Variants in FER1L6 observed in about 807,000 individuals in gnomAD.
The protein encoded by FER1L6 is fer-1 like family member 6, also known as fer-1-like protein 6.
In FER1L6, 177 loss-of-function variants were observed where a neutral mutation model predicts 219.2. That is an observed-to-expected ratio of 0.81 (90% confidence interval 0.71 to 0.91). The LOEUF is 0.91. FER1L6 is among the 40% of genes least tolerant of loss of function. The pLI, the probability that FER1L6 is intolerant of heterozygous loss-of-function variation, is 0.00. For synonymous variants in FER1L6, 768 were observed against 824.3 expected, an observed-to-expected ratio of 0.93 and a Z score of 1.17; for missense variants, 2,153 against 2,259.9, an observed-to-expected ratio of 0.95 and a Z score of 0.96.
At chr8:123,874,283 T>G (rs980120581) in intron 1 of FER1L6, among the ~76,000 whole-genome samples, 1 of 152,212 alleles carries the variant, frequency 6.6e-6, no homozygotes, top group Non-Finnish European at 1.5e-5. Context: ...TCATAGAATA[T>G]AGGGTCAGAC....
rs1332927741 is a variant in FER1L6, at chr8:123,975,181, C to A, written c.558C>A (p.Leu186=). Residue 186 remains leucine, a synonymous_variant, in exon 8 of 41, where the codon CTC becomes CTA. Coordinates refer to ENST00000522917, the MANE Select transcript of FER1L6 (RefSeq NM_001039112.2). ...GHQFCNKWAL[L]TDPGDIRTGT... ...AGTTCTGCAACAAGTGGGCCCTGCT[C>A]ACAGACCCTGGTGACATCAGGACTG... 6.2e-7 allele frequency: 1 copy of A among 1,610,338 alleles called. No homozygotes were observed. Among genetic ancestry groups the A allele is most frequent in the African/African-American group, 1.3e-5 (1 of 74,862 alleles).
intron 1 of FER1L6, among the ~76,000 whole-genome samples, chr8:123,939,662 G>A (rs1460831543): frequency 6.6e-6 from 1 of 152,220 alleles, no homozygotes; most frequent in Non-Finnish European, 1.5e-5. Context: ...AGGGACTTGA[G>A]TTAGTTTGCT....
intron 5 of FER1L6, among the ~76,000 whole-genome samples, chr8:123,968,557 A>G (rs1312714605): frequency 6.6e-6 from 1 of 152,262 alleles, no homozygotes; most frequent in African/African-American, 2.4e-5. Context: ...ATCCAAAGGA[A>G]GCCACAGCAT....
chr8:123,977,573 C>T lies in FER1L6; in HGVS notation c.1027C>T (p.Leu343=). 3 of 1,614,018 alleles carry T rather than the reference C, an allele frequency of 1.9e-6. No homozygotes were observed. In the South Asian group the frequency reaches 3.3e-5, roughly 18 times the overall value. Residue 343 remains leucine, a synonymous_variant, in exon 10 of 41, where the codon CTG becomes TTG. Transcript: ENST00000522917. The part of the protein sequence containing the change: ...DVALATHFID[L]KKISNEQDGD... ...AGCCCTGGCAACCCATTTCATTGACCTGAAGAAAATCTCCAACGAACAGGA... is the reference window on the plus strand; with the variant it reads ...AGCCCTGGCAACCCATTTCATTGACTTGAAGAAAATCTCCAACGAACAGGA...
chr8:124,037,063 C>T (rs919993364), intron 19 of FER1L6, among the ~76,000 whole-genome samples: 1 of 152,122 alleles, frequency 6.6e-6, no homozygotes, highest in African/African-American at 2.4e-5. Flanking sequence ...AAGAGGTGTA[C>T]CAATAAAGTG....
At chr8:124,068,871 T>C (rs1237919711) in intron 28 of FER1L6, among the ~76,000 whole-genome samples, 1 of 152,016 alleles carries the variant, frequency 6.6e-6, no homozygotes, top group Non-Finnish European at 1.5e-5. Flanking sequence ...ACAGACTGTA[T>C]GTAACAATCC....
At chr8:123,929,180 G>A (rs982400455) in intron 1 of FER1L6, among the ~76,000 whole-genome samples, 1 of 152,216 alleles carries the variant, frequency 6.6e-6, no homozygotes, top group African/African-American at 2.4e-5. Flanking sequence ...GGCCTGTTAT[G>A]TGATTCTTTG....
At chr8:124,078,805 C>A (rs535170340) in intron 32 of FER1L6, among the ~76,000 whole-genome samples, 1 of 151,496 alleles carries the variant, frequency 6.6e-6, no homozygotes, top group Admixed American at 6.6e-5. Flanking sequence ...GGTATCAATC[C>A]GGGTTCCACC....
chr8:123,869,650 T>C (rs1179367610), intron 1 of FER1L6, among the ~76,000 whole-genome samples: 1 of 152,214 alleles, frequency 6.6e-6, no homozygotes, highest in Non-Finnish European at 1.5e-5. Context: ...AAAATCTCAG[T>C]TTAAATTTCA....
intron 1 of FER1L6, among the ~76,000 whole-genome samples, chr8:123,898,754 T>C (rs1014759482): frequency 1.4e-5 from 2 of 146,352 alleles, no homozygotes; most frequent in African/African-American, 5.0e-5. Flanking sequence ...ATATACTATA[T>C]ATACACATAT....
chr8:123,930,832 A>C (rs1343085266), intron 1 of FER1L6, among the ~76,000 whole-genome samples: 2 of 152,118 alleles, frequency 1.3e-5, no homozygotes, highest in Non-Finnish European at 2.9e-5. Context: ...TGGTCTTTGT[A>C]GTTTGAGGAG....
In FER1L6 at chr8:124,023,223, C is replaced by T. The variant is rs191758488; in HGVS notation, c.2134-221C>T. ...AGCCACTGCCGCCCAGCTGTATGCA[C>T]TTTTAACTCATGACCTAAGTAAGGC... On this transcript the variant is annotated intron_variant, in intron 17 of 40. Coordinates refer to ENST00000522917, the MANE Select transcript of FER1L6 (RefSeq NM_001039112.2). 2.6e-5 allele frequency among the ~76,000 whole-genome samples: 4 copies of T among 152,318 alleles called. No individual in the cohort carries two copies. The East Asian group carries it at 7.7e-4, about 29-fold the overall frequency.
At chr8:123,976,798 A>G (rs1816093757) in intron 9 of FER1L6, among the ~76,000 whole-genome samples, 1 of 152,172 alleles carries the variant, frequency 6.6e-6, no homozygotes, top group South Asian at 2.1e-4. Context: ...CTCCTCAGTT[A>G]GTCCTTGTCT....
chr8:124,099,995 C>T (rs909497918), intron 37 of FER1L6, among the ~76,000 whole-genome samples: 1 of 152,154 alleles, frequency 6.6e-6, no homozygotes, highest in Non-Finnish European at 1.5e-5. Context: ...TGCTCCCTAA[C>T]ACTCCCCTGG....
chr8:123,952,482 G>A (rs1446289813), intron 1 of FER1L6, among the ~76,000 whole-genome samples: 2 of 152,180 alleles, frequency 1.3e-5, no homozygotes, highest in Non-Finnish European at 2.9e-5. Flanking sequence ...TGGTATGAGG[G>A]TTCCTGTGTA....
chr8:123,899,221 C>T (rs11990217), intron 1 of FER1L6, among the ~76,000 whole-genome samples: 4,201 of 152,166 alleles, frequency 0.028, 197 homozygotes, highest in African/African-American at 0.096. Context: ...GGTGGTATCA[C>T]ATTGTAATTT....
At chr8:123,963,151 G>A in intron 2 of FER1L6, 127 bp from the exon 3 acceptor site, 2 of 1,216,736 alleles carry the variant, frequency 1.6e-6, no homozygotes. Context: ...TTTTATGCTG[G>A]CAGAGTCTGT....
rs758151324 is a variant in FER1L6 at position 124,076,178 on chromosome 8, A to T, written c.4093-20A>T. 57 of 1,613,288 alleles carry T rather than the reference A, an allele frequency of 3.5e-5. No individual in the cohort carries two copies. The highest frequency in any genetic ancestry group is 4.7e-5 in the Non-Finnish European group (56 of 1,179,632). ...TGTTGAGAGCTATTGAACCAAAGAC[A>T]TTTTCTTTTTCCTTTCCAGGCATTT... On this transcript the variant is annotated intron_variant, in intron 31 of 40. Coordinates refer to ENST00000522917, the MANE Select transcript of FER1L6 (RefSeq NM_001039112.2).
intron 1 of FER1L6, among the ~76,000 whole-genome samples, chr8:123,876,406 C>T (rs1248824287): frequency 6.6e-6 from 1 of 152,072 alleles, no homozygotes; most frequent in Non-Finnish European, 1.5e-5. Context: ...GCAGCCTTGA[C>T]CTCCTGGGCT....
Sources: gnomAD v4.1 joint callset for allele counts (sites outside exome capture counted in the v4.1 genomes callset) on GRCh38, gnomAD v4.1.1 for gene constraint, MANE v1.5 for transcripts, NCBI Gene and HGNC (gene_info 2026-07-23, HGNC 2026-07-21) for gene names.